The following NLRP5 variants were observed in gnomAD, a reference collection of about 807,000 sequenced individuals.
The protein encoded by NLRP5 is NACHT, LRR and PYD domains-containing protein 5.
In NLRP5, 93 loss-of-function variants were observed where a neutral mutation model predicts 113.1. That is an observed-to-expected ratio of 0.82 (90% confidence interval 0.70 to 0.98). The LOEUF (loss-of-function observed/expected upper bound fraction) is 0.98. Ranked by LOEUF, NLRP5 falls within the 50% of genes least tolerant of loss-of-function variation. The probability of loss-of-function intolerance (pLI) is 0.00; values close to 1 mark genes in which losing one functional copy is unlikely to be tolerated. For synonymous variants in NLRP5, 751 were observed against 600.7 expected (o/e 1.25, Z -3.66); for missense variants, 1,808 against 1,514.3 (o/e 1.19, Z -3.22).
intron 3 of NLRP5, among the ~76,000 whole-genome samples, chr19:56,011,520 G>C (rs1002017150): frequency 6.6e-6 from 1 of 152,106 alleles, no homozygotes; most frequent in African/African-American, 2.4e-5. Context: ...CAAAACTCTA[G>C]AGAAGACAAT....
intron 1 of NLRP5, among the ~76,000 whole-genome samples, chr19:56,003,022 T>C (rs1399679843): frequency 6.7e-6 from 1 of 150,112 alleles, no homozygotes; most frequent in African/African-American, 2.5e-5. Flanking sequence ...CGTAAACTAG[T>C]TCAGCCATTG....
upstream of NLRP5, among the ~76,000 whole-genome samples, chr19:55,998,885 A>G (rs890440664): frequency 6.6e-6 from 1 of 151,580 alleles, no homozygotes; most frequent in Non-Finnish European, 1.5e-5. Context: ...AAAAAAGCTA[A>G]CATGTCCATT....
rs1247611936 is a variant in NLRP5, at chr19:56,028,357, A to G, written c.2124A>G (p.Gln708=). The change falls in exon 7 of 15, where the codon CAA becomes CAG. Residue 708 remains glutamine, a synonymous_variant. Transcript: ENST00000390649. Reference sequence around the variant, plus strand: ...TTCGCTTGGCATTAAACAGCTTCCAAGAAGTGTGGCTTCCGATTAACCAGA... The same window carrying G: ...TTCGCTTGGCATTAAACAGCTTCCAGGAAGTGTGGCTTCCGATTAACCAGA... The G allele has an allele frequency of 1.9e-6, 3 of 1,613,872 alleles. No individual in the cohort carries two copies. Among genetic ancestry groups the G allele is most frequent in the African/African-American group, 2.7e-5 (2 of 74,922 alleles).
chr19:55,996,580 TGTG>T (rs1479147630), upstream of NLRP5, among the ~76,000 whole-genome samples: 1 of 152,092 alleles, frequency 6.6e-6, no homozygotes, highest in Non-Finnish European at 1.5e-5. Flanking sequence ...AGTGAGAACA[TGTG>T]GTGTTTGGTT....
rs532188254 is a variant in NLRP5, at chr19:56,041,549, C to T, written c.2957+457C>T. ...GCACATGACCAACGGCACCGTGACT[C>T]GTGCCTGACAAAGCCTATCTGACAC... On this transcript the variant is annotated intron_variant, in intron 11 of 14. Transcript: ENST00000390649. Among the ~76,000 whole-genome samples, 651 of 152,298 alleles carry T rather than the reference C, an allele frequency of 4.3e-3. 5 individuals carry two copies. The highest frequency in any genetic ancestry group is 0.015 in the African/African-American group (608 of 41,558).
At chr19:56,037,405 T>G (rs1983356210) in intron 9 of NLRP5, among the ~76,000 whole-genome samples, 1 of 151,942 alleles carries the variant, frequency 6.6e-6, no homozygotes, top group Admixed American at 6.6e-5. Context: ...ATGTGGAACG[T>G]TGGGTGGAGG....
At chr19:56,036,455 A>G (rs772693375) in intron 9 of NLRP5, among the ~76,000 whole-genome samples, 7 of 152,126 alleles carry the variant, frequency 4.6e-5, no homozygotes, top group Non-Finnish European at 1.0e-4. Context: ...ATGAAACGAG[A>G]TTGTTTTATT....
chr19:56,019,247 T>A, intron 4 of NLRP5, 95 bp from the exon 5 acceptor site: 1 of 1,377,132 alleles, frequency 7.3e-7, no homozygotes. Context: ...GGCCAGAAAA[T>A]AAATATGGCA....
At chr19:56,001,456 T>C (rs1448767624) in intron 1 of NLRP5, among the ~76,000 whole-genome samples, 1 of 129,780 alleles carries the variant, frequency 7.7e-6, no homozygotes. Flanking sequence ...TTACTTGAAA[T>C]TTTATAATTT....
chr19:56,001,793 C>T (rs985508305), intron 1 of NLRP5, among the ~76,000 whole-genome samples: 18 of 152,138 alleles, frequency 1.2e-4, no homozygotes, highest in African/African-American at 4.3e-4. Context: ...TGATCTCACA[C>T]CAATACCGCC....
In NLRP5 at chr19:56,027,458, G is replaced by A. The variant is rs367708838; in HGVS notation, c.1225G>A (p.Val409Ile). The change falls in exon 7 of 15, where the codon GTC becomes ATC. Residue 409 changes from valine to isoleucine, a missense_variant. Val to Ile is a conservative substitution (Grantham distance 29). Coordinates refer to ENST00000390649, the MANE Select transcript of NLRP5 (RefSeq NM_153447.4). The stretch of plus-strand genomic sequence containing the variant: ...CCCTGAGTCCTTCCTGATCGTCACC[G>A]TCAGAGACGTGGGCACAGAGAAGCT... 1.3e-5 allele frequency: 21 copies of A among 1,613,596 alleles called. 1 individual carries two copies. The highest frequency in any genetic ancestry group is 1.6e-4 in the Middle Eastern group (1 of 6,084).
intron 11 of NLRP5, among the ~76,000 whole-genome samples, chr19:56,049,032 A>T (rs1218077350): frequency 4.0e-5 from 5 of 126,488 alleles, no homozygotes; most frequent in African/African-American, 1.5e-4. Flanking sequence ...CCCAGGCTGG[A>T]GTGCAGTGGT....
intron 11 of NLRP5, among the ~76,000 whole-genome samples, chr19:56,046,429 TTAC>T (rs1983728445): frequency 6.6e-6 from 1 of 151,926 alleles, no homozygotes; most frequent in Non-Finnish European, 1.5e-5. Flanking sequence ...TGTGTTTCTG[TTAC>T]GTCCTTCCCT....
In NLRP5 at chr19:56,003,789, T is replaced by G. The variant is rs766248241; in HGVS notation, c.136T>G (p.Ser46Ala). Residue 46 changes from serine to alanine, a missense_variant, in exon 2 of 15, where the codon TCT (serine) becomes GCT (alanine). Transcript: ENST00000390649. ...TCCACTTTTCCCCCAAAACCTGAGC[T>G]CTCAGCCTTGTATCAAGATGGAAGG... is the stretch of plus-strand genomic sequence containing the variant. 5 of 1,613,998 alleles carry G rather than the reference T, an allele frequency of 3.1e-6. No individual in the cohort carries two copies. The Admixed American group carries it at 5.0e-5, about 16-fold the overall frequency.
intron 13 of NLRP5, among the ~76,000 whole-genome samples, chr19:56,054,235 T>C (rs891156315): frequency 5.3e-5 from 8 of 152,032 alleles, no homozygotes; most frequent in African/African-American, 1.7e-4. Flanking sequence ...AGAGCTCCAA[T>C]ATAGTGGACT....
rs1560691 is a variant in NLRP5, at chr19:56,003,968, C to T, written c.315C>T (p.Asn105=). The T allele has an allele frequency of 0.13, 211,485 of 1,613,728 alleles. 16,254 individuals carry two copies. Among genetic ancestry groups the T allele is most frequent in the East Asian group, 0.33 (14,676 of 44,866 alleles). Residue 105 remains asparagine, a synonymous_variant, in exon 2 of 15, where the codon AAC becomes AAT. Transcript: ENST00000390649. The stretch of plus-strand genomic sequence containing the variant: ...CACAGTTTGAAATCGAGAATGCCAA[C>T]GTGGAATGTCTGGCACTCCTCTTGC...
chr19:55,998,716 A>ATATATATATATGTG (rs1599873243), upstream of NLRP5, among the ~76,000 whole-genome samples: 2 of 123,180 alleles, frequency 1.6e-5, no homozygotes, highest in African/African-American at 6.7e-5. Context: ...GTGTGTGTGT[A>ATATATATATATGTG]TATATATATA....
intron 11 of NLRP5, among the ~76,000 whole-genome samples, chr19:56,043,829 A>G (rs1356712125): frequency 2.6e-5 from 4 of 151,446 alleles, no homozygotes; most frequent in East Asian, 3.9e-4. Context: ...TGCCCTCCTC[A>G]GCCTCCCAAA....
At chr19:56,026,154 CAA>C (rs1447620517) in intron 6 of NLRP5, among the ~76,000 whole-genome samples, 2 of 152,082 alleles carry the variant, frequency 1.3e-5, no homozygotes, top group Admixed American at 1.3e-4. Flanking sequence ...TAGGAAGAAA[CAA>C]GACCCATGTC....
Sources: allele counts gnomAD v4.1 joint callset (sites outside exome capture counted in the v4.1 genomes callset), GRCh38; gene constraint gnomAD v4.1.1; transcripts MANE v1.5; gene names NCBI Gene and HGNC (gene_info 2026-07-23, HGNC 2026-07-21).